The following DGKB variants were observed in gnomAD, a reference collection of about 807,000 sequenced individuals.
DGKB encodes diacylglycerol kinase beta.
A neutral mutation model predicts 114.3 loss-of-function variants in DGKB; 67 were observed. The ratio of observed to expected loss-of-function variants is 0.59; its 90% CI spans 0.48 to 0.72. The LOEUF (loss-of-function observed/expected upper bound fraction) is 0.72. DGKB is among the 30% of genes least tolerant of loss of function. The pLI is 0.00. For synonymous variants in DGKB, 398 were observed against 323.1 expected, an observed-to-expected ratio of 1.23 and a Z score of -2.49; for missense variants, 907 against 975.2, an observed-to-expected ratio of 0.93 and a Z score of 0.93.
At chr7:14,387,177 A>G (rs1820504398) in intron 21 of DGKB, among the ~76,000 whole-genome samples, 1 of 151,878 alleles carries the variant, frequency 6.6e-6, no homozygotes, top group South Asian at 2.1e-4. Flanking sequence ...TAATCCCAGC[A>G]CTTTGGGAGG....
intron 21 of DGKB, among the ~76,000 whole-genome samples, chr7:14,465,419 G>A (rs574243666): frequency 6.6e-6 from 1 of 152,308 alleles, no homozygotes; most frequent in South Asian, 2.1e-4. Flanking sequence ...TTGGAAGAGA[G>A]TCAGAATGTC....
intron 1 of DGKB, among the ~76,000 whole-genome samples, chr7:14,959,558 A>C (rs79997544): frequency 0.02 from 2,975 of 152,022 alleles, 94 homozygotes; most frequent in African/African-American, 0.068. Flanking sequence ...TAGCCTAGTA[A>C]CCATGTTTGT....
chr7:14,844,691 T>C (rs1436362746), intron 1 of DGKB, among the ~76,000 whole-genome samples: 1 of 152,220 alleles, frequency 6.6e-6, no homozygotes, highest in East Asian at 1.9e-4. Flanking sequence ...TGGATGGTCA[T>C]GAACTAGGAT....
intron 21 of DGKB, among the ~76,000 whole-genome samples, chr7:14,451,777 A>C (rs1831546766): frequency 6.6e-6 from 1 of 152,118 alleles, no homozygotes; most frequent in Admixed American, 6.6e-5. Context: ...AGAAGACTGA[A>C]CTGCTTTTAA....
chr7:14,929,004 A>G (rs1784874993), intron 1 of DGKB, among the ~76,000 whole-genome samples: 1 of 149,780 alleles, frequency 6.7e-6, no homozygotes, highest in Non-Finnish European at 1.5e-5. Context: ...TTATGGCTGA[A>G]AAGTACTGCA....
At chr7:14,673,518 G>A (rs1039566761) in intron 12 of DGKB, among the ~76,000 whole-genome samples, 16 of 150,226 alleles carry the variant, frequency 1.1e-4, no homozygotes, top group Admixed American at 2.0e-4. Flanking sequence ...ATATGTAAAT[G>A]TAACCAGAGA....
chr7:14,555,936 G>C (rs1563498400), intron 20 of DGKB, among the ~76,000 whole-genome samples: 2 of 152,146 alleles, frequency 1.3e-5, no homozygotes, highest in Non-Finnish European at 2.9e-5. Context: ...CCATAAAAAT[G>C]GGCAACCAGC....
intron 8 of DGKB, among the ~76,000 whole-genome samples, chr7:14,697,581 T>A (rs1824180868): frequency 6.6e-6 from 1 of 151,396 alleles, no homozygotes; most frequent in Non-Finnish European, 1.5e-5. Context: ...CACTTTGACT[T>A]CTGATTAGAA....
chr7:14,717,784 A>G (rs1828457641), intron 6 of DGKB, among the ~76,000 whole-genome samples: 2 of 152,110 alleles, frequency 1.3e-5, no homozygotes, highest in African/African-American at 4.8e-5. Context: ...CAGGTTATTG[A>G]GTAAGCTGCC....
chr7:14,625,811 C>T (rs981405817), intron 14 of DGKB, among the ~76,000 whole-genome samples: 1 of 151,874 alleles, frequency 6.6e-6, no homozygotes, highest in Non-Finnish European at 1.5e-5. Flanking sequence ...GAAAATAGAA[C>T]ATATAACTAC....
chr7:14,613,886 C>A (rs1806049163), intron 15 of DGKB, among the ~76,000 whole-genome samples: 1 of 152,118 alleles, frequency 6.6e-6, no homozygotes, highest in African/African-American at 2.4e-5. Flanking sequence ...CACCTGTGAA[C>A]TGGAAAGAAA....
chr7:14,552,499 C>T (rs1339407928), intron 20 of DGKB, among the ~76,000 whole-genome samples: 3 of 152,116 alleles, frequency 2.0e-5, no homozygotes, highest in Non-Finnish European at 2.9e-5. Context: ...CTGGATTATC[C>T]ACTGGGAATA....
intron 21 of DGKB, among the ~76,000 whole-genome samples, chr7:14,460,492 T>TA (rs1047729237): frequency 1.3e-5 from 2 of 149,506 alleles, no homozygotes; most frequent in Non-Finnish European, 3.0e-5. Context: ...TCAACAAAGA[T>TA]AAAAAAAGAC....
chr7:14,367,659 T>C (rs1375289608), intron 21 of DGKB, among the ~76,000 whole-genome samples: 2 of 152,084 alleles, frequency 1.3e-5, no homozygotes, highest in Non-Finnish European at 2.9e-5. Flanking sequence ...GTTTTCACAC[T>C]GCTCTTAAGA....
At chr7:14,645,877 G>C (rs1429361737) in intron 13 of DGKB, among the ~76,000 whole-genome samples, 4 of 152,044 alleles carry the variant, frequency 2.6e-5, no homozygotes, top group Non-Finnish European at 5.9e-5. Flanking sequence ...CTGCCATTAT[G>C]ATAACAAATG....
intron 20 of DGKB, among the ~76,000 whole-genome samples, chr7:14,519,505 T>C (rs1221710642): frequency 6.6e-6 from 1 of 152,102 alleles, no homozygotes; most frequent in Admixed American, 6.6e-5. Flanking sequence ...GGCTTATGAA[T>C]TTTCCCAGTT....
chr7:14,161,309 C>G (rs925565879), intron 25 of DGKB, among the ~76,000 whole-genome samples: 1 of 152,184 alleles, frequency 6.6e-6, no homozygotes, highest in Non-Finnish European at 1.5e-5. Flanking sequence ...AGTCCCATTA[C>G]TGGGTATATA....
intron 8 of DGKB, among the ~76,000 whole-genome samples, chr7:14,695,952 G>T (rs1823802142): frequency 6.6e-6 from 1 of 152,060 alleles, no homozygotes; most frequent in South Asian, 2.1e-4. Flanking sequence ...TACCATTTCA[G>T]CTCCCTGGAA....
intron 20 of DGKB, among the ~76,000 whole-genome samples, chr7:14,534,508 T>C (rs973068821): frequency 6.6e-6 from 1 of 151,316 alleles, no homozygotes; most frequent in Non-Finnish European, 1.5e-5. Context: ...AGACATAGAG[T>C]AGATGAATGG....
Sources: gnomAD v4.1 joint callset for allele counts (sites outside exome capture counted in the v4.1 genomes callset) on GRCh38, gnomAD v4.1.1 for gene constraint, MANE v1.5 for transcripts, NCBI Gene and HGNC (gene_info 2026-07-23, HGNC 2026-07-21) for gene names.